The following JARID2 variants were observed in gnomAD, a reference collection of about 807,000 sequenced individuals.
JARID2 encodes the protein protein Jumonji.
JARID2 carries 21 observed loss-of-function variants against 125.6 expected under a neutral mutation model. The observed-to-expected ratio is 0.17, with a 90% confidence interval of 0.12 to 0.24. The LOEUF (loss-of-function observed/expected upper bound fraction) is 0.24, where lower values mean the gene tolerates loss of function less well. Among genes scored for constraint, JARID2 ranks in the 10% least tolerant of loss-of-function variants. The probability of loss-of-function intolerance (pLI) is 1.00; values close to 1 mark genes in which losing one functional copy is unlikely to be tolerated. For missense variants in JARID2, 1,303 were observed against 1,639.6 expected, an observed-to-expected ratio of 0.79 and a Z score of 3.55; for synonymous variants, 736 against 661.6, an observed-to-expected ratio of 1.11 and a Z score of -1.73.
chr6:15,308,978 G>A (rs1466539990), intron 1 of JARID2, among the ~76,000 whole-genome samples: 2 of 152,174 alleles, frequency 1.3e-5, no homozygotes, highest in East Asian at 3.8e-4. Context: ...GACCTTTTTG[G>A]TTGACTGACT....
chr6:15,317,646 G>A (rs1762222529), intron 1 of JARID2, among the ~76,000 whole-genome samples: 1 of 152,016 alleles, frequency 6.6e-6, no homozygotes, highest in Non-Finnish European at 1.5e-5. Context: ...ACCCTCTTGC[G>A]TCTCGGAGGT....
At chr6:15,309,516 A>C (rs1306916402) in intron 1 of JARID2, among the ~76,000 whole-genome samples, 1 of 152,168 alleles carries the variant, frequency 6.6e-6, no homozygotes, top group Non-Finnish European at 1.5e-5. Context: ...TGCAGTCATT[A>C]AAATGAAATG....
intron 2 of JARID2, among the ~76,000 whole-genome samples, chr6:15,391,244 G>C (rs990742954): frequency 3.3e-5 from 5 of 152,184 alleles, no homozygotes; most frequent in Non-Finnish European, 5.9e-5. Context: ...ATGGAAGGAA[G>C]GATTGCCTCT....
chr6:15,457,097 T>C (rs1377269763), intron 4 of JARID2, among the ~76,000 whole-genome samples: 1 of 152,190 alleles, frequency 6.6e-6, no homozygotes, highest in Non-Finnish European at 1.5e-5. Context: ...GATATTGCAT[T>C]ATACTTTCGT....
intron 3 of JARID2, among the ~76,000 whole-genome samples, chr6:15,429,949 G>A (rs1382463413): frequency 1.3e-5 from 2 of 152,152 alleles, no homozygotes; most frequent in African/African-American, 2.4e-5. Context: ...CAGCAGGCTT[G>A]TGAGTCCTCA....
chr6:15,458,130 C>T (rs1026553127), intron 4 of JARID2, among the ~76,000 whole-genome samples: 1 of 152,192 alleles, frequency 6.6e-6, no homozygotes, highest in Non-Finnish European at 1.5e-5. Flanking sequence ...TGATTCGTAC[C>T]ATCGCCGTAT....
intron 2 of JARID2, among the ~76,000 whole-genome samples, chr6:15,383,883 C>T (rs77164908): frequency 0.031 from 4,698 of 152,286 alleles, 254 homozygotes; most frequent in African/African-American, 0.11. Flanking sequence ...CACCCTCCGC[C>T]TCTCAGGTTC....
intron 3 of JARID2, 72 bp from the exon 4 acceptor site, chr6:15,451,934 T>C: frequency 1.4e-6 from 2 of 1,443,064 alleles, no homozygotes; most frequent in South Asian, 1.3e-5. Context: ...TGTCATGATT[T>C]TATTGCCGCA....
chr6:15,479,677 A>C (rs1442580741), intron 5 of JARID2, among the ~76,000 whole-genome samples: 3 of 152,218 alleles, frequency 2.0e-5, no homozygotes, highest in Admixed American at 6.5e-5. Flanking sequence ...GAATTTGCTT[A>C]TGATACTGGA....
chr6:15,469,464 G>A (rs1216855167), intron 5 of JARID2, among the ~76,000 whole-genome samples: 4 of 140,326 alleles, frequency 2.9e-5, no homozygotes, highest in Non-Finnish European at 4.6e-5. Flanking sequence ...ACGGAGTCTC[G>A]CTCTGTCGCC....
intron 3 of JARID2, among the ~76,000 whole-genome samples, chr6:15,413,045 G>C (rs924056915): frequency 1.3e-5 from 1 of 78,138 alleles, no homozygotes; most frequent in Non-Finnish European, 2.3e-5. Context: ...TTGAGACTGA[G>C]TTTCGCCTTT....
At chr6:15,306,163 C>T (rs1037458804) in intron 1 of JARID2, among the ~76,000 whole-genome samples, 1 of 152,040 alleles carries the variant, frequency 6.6e-6, no homozygotes, top group East Asian at 1.9e-4. Context: ...AAGTGGCAGA[C>T]GCTCTTAAGT....
intron 1 of JARID2, among the ~76,000 whole-genome samples, chr6:15,359,129 C>G (rs1410533875): frequency 6.6e-6 from 1 of 152,194 alleles, no homozygotes; most frequent in African/African-American, 2.4e-5. Context: ...TAGGGAGAAT[C>G]TTTGCTTCAG....
chr6:15,494,286 A>G (rs1387971435), intron 6 of JARID2, among the ~76,000 whole-genome samples: 1 of 152,110 alleles, frequency 6.6e-6, no homozygotes, highest in Non-Finnish European at 1.5e-5. Context: ...CTTGGTTAGA[A>G]ATGCACATTC....
chr6:15,370,703 C>T (rs1315528002), intron 1 of JARID2, among the ~76,000 whole-genome samples: 1 of 152,056 alleles, frequency 6.6e-6, no homozygotes, highest in Non-Finnish European at 1.5e-5. Context: ...ATGATATAGC[C>T]ACAGCAGAGT....
At chr6:15,258,179 C>G (rs1167358771) in intron 1 of JARID2, among the ~76,000 whole-genome samples, 3 of 152,182 alleles carry the variant, frequency 2.0e-5, no homozygotes, top group Admixed American at 2.0e-4. Context: ...TTAAATACAG[C>G]TGGCATTTTT....
intron 8 of JARID2, among the ~76,000 whole-genome samples, chr6:15,503,010 A>C (rs1421871819): frequency 6.6e-6 from 1 of 152,234 alleles, no homozygotes; most frequent in African/African-American, 2.4e-5. Flanking sequence ...TTACTGAAGG[A>C]GGCCAATTCT....
In JARID2 at chr6:15,281,584, C is replaced by T. The variant is rs75791281; in HGVS notation, c.45+35000C>T. On this transcript the variant is annotated intron_variant, in intron 1 of 17. Transcript: ENST00000341776. ...CAGATGGGTTCCCCGCGTGGGGGGC[C>T]CCCCACTTCACTTGGGGCCTATTTA... Among the ~76,000 whole-genome samples, 52 of 152,306 alleles carry T rather than the reference C, an allele frequency of 3.4e-4. No homozygotes were observed. The East Asian group carries it at 9.9e-3, about 29-fold the overall frequency.
chr6:15,504,263 C>A (rs1407530874), intron 8 of JARID2, among the ~76,000 whole-genome samples: 7 of 152,250 alleles, frequency 4.6e-5, no homozygotes, highest in Non-Finnish European at 7.3e-5. Flanking sequence ...CTGTTCCTGG[C>A]AGAACAATTT....
Sources: gnomAD v4.1 joint callset for allele counts (sites outside exome capture counted in the v4.1 genomes callset) on GRCh38, gnomAD v4.1.1 for gene constraint, MANE v1.5 for transcripts, NCBI Gene and HGNC (gene_info 2026-07-23, HGNC 2026-07-21) for gene names.